Variants in LMOD1 observed in about 807,000 individuals in gnomAD.
LMOD1 encodes leiomodin 1.
Under a neutral mutation model 36.5 loss-of-function variants are expected in LMOD1, and 8 were observed. The observed-to-expected ratio is 0.22, with a 90% CI of 0.13 to 0.40. The LOEUF (loss-of-function observed/expected upper bound fraction) is 0.40, where lower values mean the gene tolerates loss of function less well. Ranked by LOEUF, LMOD1 falls within the 10% of genes least tolerant of loss-of-function variation. The probability of loss-of-function intolerance (pLI) is 1.00; values close to 1 mark genes in which losing one functional copy is unlikely to be tolerated. For missense variants in LMOD1, 630 were observed against 751.1 expected, an observed-to-expected ratio of 0.84 and a Z score of 1.88; for synonymous variants, 284 against 288.7, an observed-to-expected ratio of 0.98 and a Z score of 0.17.
At chr1:201,941,633 T>TC (rs1158594783) in intron 1 of LMOD1, among the ~76,000 whole-genome samples, 1 of 152,326 alleles carries the variant, frequency 6.6e-6, no homozygotes, top group South Asian at 2.1e-4. Flanking sequence ...CCTCGGGCCT[T>TC]CCCGGCCCCG....
intron 1 of LMOD1, among the ~76,000 whole-genome samples, chr1:201,907,655 A>T (rs1246599823): frequency 6.6e-6 from 1 of 151,910 alleles, no homozygotes; most frequent in African/African-American, 2.4e-5. Context: ...CCCCAGTCCT[A>T]TGGTGACAGA....
At position 201,941,042 on chromosome 1, in the gene LMOD1, T is replaced by C. The variant is rs544593570; in HGVS notation, c.261+5038A>G. Among the ~76,000 whole-genome samples the C allele has an allele frequency of 2.4e-3, 358 of 151,294 alleles. 1 individual carries two copies. The highest frequency in any genetic ancestry group is 8.5e-3 in the African/African-American group (347 of 40,840). ...GATTACAGGTGTGAGCCACCGTGCC[T>C]GGCCATTTTTTTTTTTGTATTATTA... is the stretch of plus-strand genomic sequence containing the variant. On this transcript the variant is annotated intron_variant, in intron 1 of 2. Transcript: ENST00000367288.
At chr1:201,918,998 T>A (rs560287689) in intron 1 of LMOD1, among the ~76,000 whole-genome samples, 84 of 151,988 alleles carry the variant, frequency 5.5e-4, no homozygotes, top group South Asian at 1.5e-3. Flanking sequence ...GCTCAAGTGA[T>A]CCTCCTGCCT....
chr1:201,934,953 C>G (rs1681990687), intron 1 of LMOD1, among the ~76,000 whole-genome samples: 1 of 152,246 alleles, frequency 6.6e-6, no homozygotes, highest in Non-Finnish European at 1.5e-5. Flanking sequence ...CAGCCCTCTG[C>G]TCTCCTCCAT....
Position 201,901,970 on chromosome 1 carries a change from T to A in LMOD1, c.262-1219A>T, listed in dbSNP as rs1035243385. On this transcript the variant is annotated intron_variant, in intron 1 of 2. Coordinates refer to ENST00000367288, the MANE Select transcript of LMOD1 (RefSeq NM_012134.3). Reference sequence around the variant, plus strand: ...ATTATTATTGTTATTATTATTATTTTTTTTTTTTAGAGATGGGGGTCTTGT... The same window carrying A: ...ATTATTATTGTTATTATTATTATTTATTTTTTTTAGAGATGGGGGTCTTGT... Among the ~76,000 whole-genome samples the A allele has an allele frequency of 3.2e-3, 483 of 149,724 alleles. 5 individuals are homozygous for A. Among genetic ancestry groups the A allele is most frequent in the Admixed American group, 7.1e-3 (106 of 14,988 alleles).
chr1:201,928,122 C>A (rs1381663954), intron 1 of LMOD1, among the ~76,000 whole-genome samples: 1 of 152,210 alleles, frequency 6.6e-6, no homozygotes, highest in Admixed American at 6.5e-5. Flanking sequence ...AGGTCCTCAC[C>A]AGATACAGGC....
intron 1 of LMOD1, among the ~76,000 whole-genome samples, chr1:201,906,111 A>T (rs1029580487): frequency 6.6e-6 from 1 of 151,906 alleles, no homozygotes; most frequent in African/African-American, 2.4e-5. Context: ...CTTCTAGGAG[A>T]CTTTTTCTAG....
chr1:201,910,819 A>G (rs1429276090), intron 1 of LMOD1, among the ~76,000 whole-genome samples: 4 of 118,694 alleles, frequency 3.4e-5, no homozygotes, highest in African/African-American at 9.8e-5. Flanking sequence ...CAGTGGCACA[A>G]TCTCAGCTCA....
At chr1:201,902,313 T>C (rs1489973517) in intron 1 of LMOD1, among the ~76,000 whole-genome samples, 1 of 152,068 alleles carries the variant, frequency 6.6e-6, no homozygotes, top group Non-Finnish European at 1.5e-5. Flanking sequence ...AGCTGATCTC[T>C]GGAAGACTCT....
chr1:201,935,776 T>C (rs892169490), intron 1 of LMOD1, among the ~76,000 whole-genome samples: 5 of 150,572 alleles, frequency 3.3e-5, no homozygotes, highest in South Asian at 2.1e-4. Flanking sequence ...AGGCTGGTCT[T>C]GAACTCCTGA....
At chr1:201,910,271 C>A (rs6672771) in intron 1 of LMOD1, among the ~76,000 whole-genome samples, 1 of 120,116 alleles carries the variant, frequency 8.3e-6, no homozygotes, top group Non-Finnish European at 1.8e-5. Context: ...GTTTCCTATA[C>A]GCATTTTTTT....
intron 1 of LMOD1, among the ~76,000 whole-genome samples, chr1:201,935,286 G>T (rs549617684): frequency 4.6e-5 from 7 of 151,730 alleles, no homozygotes; most frequent in Admixed American, 4.6e-4. Flanking sequence ...GGGGTGATCC[G>T]TACTGCCTAA....
At chr1:201,945,103 A>G (rs990293535) in intron 1 of LMOD1, among the ~76,000 whole-genome samples, 2 of 151,536 alleles carry the variant, frequency 1.3e-5, no homozygotes, top group African/African-American at 2.4e-5. Context: ...AGACTTGAAC[A>G]ATTTTCCTAT....
chr1:201,944,792 C>T (rs1487608884), intron 1 of LMOD1, among the ~76,000 whole-genome samples: 1 of 152,048 alleles, frequency 6.6e-6, no homozygotes, highest in African/African-American at 2.4e-5. Flanking sequence ...ACCCCCTTCC[C>T]TCCTCCTCCC....
intron 1 of LMOD1, among the ~76,000 whole-genome samples, chr1:201,912,711 T>C (rs1470030633): frequency 6.6e-6 from 1 of 151,800 alleles, no homozygotes; most frequent in African/African-American, 2.4e-5. Flanking sequence ...ACACAAAAAT[T>C]AGCCGGGCGT....
chr1:201,911,027 C>T (rs754770404), intron 1 of LMOD1, among the ~76,000 whole-genome samples: 13 of 152,056 alleles, frequency 8.5e-5, no homozygotes, highest in Non-Finnish European at 1.6e-4. Context: ...GTGCTCCCCA[C>T]GGTCACAGTG....
intron 1 of LMOD1, among the ~76,000 whole-genome samples, chr1:201,915,793 C>A (rs1482915784): frequency 6.6e-6 from 1 of 152,186 alleles, no homozygotes; most frequent in Non-Finnish European, 1.5e-5. Context: ...GCCACTATCA[C>A]CTCTCATGGG....
At chr1:201,904,418 C>T (rs1681379282) in intron 1 of LMOD1, among the ~76,000 whole-genome samples, 1 of 152,190 alleles carries the variant, frequency 6.6e-6, no homozygotes, top group South Asian at 2.1e-4. Context: ...CCATGTTGGT[C>T]AGGCTGGTCC....
Position 201,897,199 on chromosome 1 carries a change from AAT to A in LMOD1, c.*1171_*1172del, listed in dbSNP as rs1240839891. ...ACACAGATATGGGTGCTATTCTCCA[AAT>A]AGTCACTCCACTTCTCTGCCTGCCG... On this transcript the variant is annotated 3_prime_UTR_variant, in exon 3 of 3. Coordinates refer to ENST00000367288, the MANE Select transcript of LMOD1 (RefSeq NM_012134.3). The A allele has an allele frequency of 1.0e-5, 2 of 190,700 alleles. No homozygotes were observed. Among genetic ancestry groups the A allele is most frequent in the African/African-American group, 4.7e-5 (2 of 42,828 alleles). 11.8% of individuals were successfully genotyped at this position (190,700 alleles called of 1,614,324 possible). A position where few individuals can be genotyped will look rare whatever the true frequency, so the allele number is the denominator to read the frequency against.
Sources: allele counts gnomAD v4.1 joint callset (sites outside exome capture counted in the v4.1 genomes callset), GRCh38; gene constraint gnomAD v4.1.1; transcripts MANE v1.5; gene names NCBI Gene and HGNC (gene_info 2026-07-23, HGNC 2026-07-21).